The following ARMC3 variants were observed in gnomAD, a reference collection of about 807,000 sequenced individuals.
The protein encoded by ARMC3 is armadillo repeat containing 3, also known as armadillo repeat-containing protein 3.
ARMC3 carries 74 observed loss-of-function variants against 90.3 expected under a neutral mutation model. That is an observed-to-expected ratio of 0.82 (90% CI 0.68 to 0.99). The LOEUF (loss-of-function observed/expected upper bound fraction) is 0.99. ARMC3 is among the 50% of genes least tolerant of loss of function. The pLI is 0.00. For synonymous variants in ARMC3, 334 were observed against 361.8 expected (o/e 0.92, Z 0.87); for missense variants, 958 against 1,042.8 (o/e 0.92, Z 1.12).
intron 10 of ARMC3, among the ~76,000 whole-genome samples, chr10:22,988,527 A>G (rs1836562473): frequency 6.6e-6 from 1 of 152,164 alleles, no homozygotes; most frequent in African/African-American, 2.4e-5. Context: ...ATTTATTGTT[A>G]CCATTTCTTT....
chr10:22,962,797 T>TA (rs999036293), intron 7 of ARMC3, among the ~76,000 whole-genome samples: 1 of 152,142 alleles, frequency 6.6e-6, no homozygotes, highest in Non-Finnish European at 1.5e-5. Context: ...AATTTTTTTC[T>TA]AAAAAAACCA....
intron 11 of ARMC3, among the ~76,000 whole-genome samples, chr10:23,000,598 A>T (rs529460478): frequency 1.5e-4 from 23 of 152,362 alleles, no homozygotes; most frequent in African/African-American, 4.8e-4. Context: ...TAAATGGAGG[A>T]ATTAATGAAT....
At chr10:22,943,618 T>C (rs1467295456) in intron 2 of ARMC3, among the ~76,000 whole-genome samples, 1 of 152,116 alleles carries the variant, frequency 6.6e-6, no homozygotes, top group Non-Finnish European at 1.5e-5. Flanking sequence ...TAAATCATCA[T>C]CACTTCAGGA....
intron 3 of ARMC3, among the ~76,000 whole-genome samples, chr10:22,949,388 T>C (rs966222613): frequency 3.9e-5 from 6 of 152,208 alleles, no homozygotes; most frequent in Admixed American, 1.3e-4. Flanking sequence ...CTGTATTCTA[T>C]ATGTTTAGAA....
At chr10:22,942,510 A>G (rs966076016) in intron 2 of ARMC3, among the ~76,000 whole-genome samples, 3 of 152,192 alleles carry the variant, frequency 2.0e-5, no homozygotes, top group East Asian at 1.9e-4. Flanking sequence ...TCCAGCTACA[A>G]TAACTATGAA....
At chr10:22,982,238 C>T (rs1163322176) in intron 10 of ARMC3, among the ~76,000 whole-genome samples, 10 of 152,064 alleles carry the variant, frequency 6.6e-5, no homozygotes, top group Admixed American at 3.9e-4. Flanking sequence ...AATAGCTGGG[C>T]GTGGTGGCAT....
Position 22,962,083 on chromosome 10 carries a change from T to C in ARMC3, c.732+5T>C, listed in dbSNP as rs781026238. ...ATTAAGATCCTAGAAACTAAGGTATTTAGTTTCATTCATTCCACCCTCTAT... is the reference window on the plus strand; with the variant it reads ...ATTAAGATCCTAGAAACTAAGGTATCTAGTTTCATTCATTCCACCCTCTAT... On this transcript the variant is annotated splice_donor_5th_base_variant and intron_variant, in intron 7 of 18. Coordinates refer to ENST00000298032, the MANE Select transcript of ARMC3 (RefSeq NM_173081.5). The C allele has an allele frequency of 1.3e-6, 2 of 1,532,684 alleles. No individual in the cohort carries two copies. The highest frequency in any genetic ancestry group is 1.8e-6 in the Non-Finnish European group (2 of 1,138,860). The allele number at this position is 1,532,684 out of a possible 1,614,324, so 94.9% of individuals were successfully genotyped here.
At chr10:23,031,001 G>A (rs371373980) in intron 17 of ARMC3, 7 of 515,988 alleles carry the variant, frequency 1.4e-5, no homozygotes, top group East Asian at 9.8e-5. Flanking sequence ...ATAGCAGCTG[G>A]AAATTGCTTC....
intron 16 of ARMC3, among the ~76,000 whole-genome samples, chr10:23,022,375 T>A (rs1269449277): frequency 6.6e-6 from 1 of 152,150 alleles, no homozygotes; most frequent in Non-Finnish European, 1.5e-5. Context: ...CACAGACTAG[T>A]TTTTCTTTGC....
At chr10:22,979,719 T>C (rs1383419910) in intron 8 of ARMC3, among the ~76,000 whole-genome samples, 1 of 152,186 alleles carries the variant, frequency 6.6e-6, no homozygotes, top group Non-Finnish European at 1.5e-5. Context: ...ACCGTGTATA[T>C]TTAAAACATT....
Position 22,998,148 on chromosome 10 carries a change from C to T in ARMC3, c.1176C>T (p.Asn392=), listed in dbSNP as rs146878370. 98 of 1,613,490 alleles carry T rather than the reference C, an allele frequency of 6.1e-5. No homozygotes were observed. The African/African-American group carries it at 1.1e-3, about 18-fold the overall frequency. Residue 392 remains asparagine (N), a splice_region_variant and synonymous_variant, in exon 11 of 19, where the codon AAC becomes AAT. Transcript: ENST00000298032. ...NLTTCNPANA[N]AAAEADGIDP... is the part of the protein sequence containing the mutation. Reference sequence around the variant, plus strand: ...ATTCATTTCTCTTTCATTTACTCAGCGCTGCTGCTGAAGCTGATGGTATTG... The same window carrying T: ...ATTCATTTCTCTTTCATTTACTCAGTGCTGCTGCTGAAGCTGATGGTATTG...
intron 6 of ARMC3, 51 bp downstream of exon 6, chr10:22,959,625 A>T: frequency 6.6e-7 from 1 of 1,512,170 alleles, no homozygotes; most frequent in Non-Finnish European, 8.8e-7. Context: ...TTTAGAATTT[A>T]TTTTCCCATT....
chr10:22,957,414 G>A (rs931352510), intron 4 of ARMC3, among the ~76,000 whole-genome samples: 1 of 152,166 alleles, frequency 6.6e-6, no homozygotes, highest in Admixed American at 6.5e-5. Flanking sequence ...CCTGTGCGAG[G>A]GGTCAGTGGA....
At position 22,972,696 on chromosome 10, in the gene ARMC3, T is replaced by C. The variant is rs141347555; in HGVS notation, c.916+4207T>C. Among the ~76,000 whole-genome samples the C allele has an allele frequency of 7.9e-5, 12 of 152,274 alleles. No individual in the cohort carries two copies. The East Asian group carries it at 2.1e-3, about 27-fold the overall frequency. ...CTTGTTTAGTCTCTCTCCACGCATG[T>C]CCCCAGGCCATCCTGGGATCATTTT... is the stretch of plus-strand genomic sequence containing the variant. On this transcript the variant is annotated intron_variant, in intron 8 of 18. Transcript: ENST00000298032.
At chr10:23,014,362 G>C in intron 16 of ARMC3, 1 of 1,312,928 alleles carries the variant, frequency 7.6e-7, no homozygotes, top group African/African-American at 1.5e-5. Context: ...GGTCCATTGA[G>C]GGGTAGATTA....
At chr10:22,984,497 A>G (rs966300350) in intron 10 of ARMC3, among the ~76,000 whole-genome samples, 3 of 152,160 alleles carry the variant, frequency 2.0e-5, no homozygotes, top group Non-Finnish European at 2.9e-5. Flanking sequence ...CTAAAAATAG[A>G]ATTTTATAAT....
chr10:23,005,602 C>T (rs1322866581), intron 13 of ARMC3, among the ~76,000 whole-genome samples: 1 of 152,132 alleles, frequency 6.6e-6, no homozygotes, highest in African/African-American at 2.4e-5. Context: ...CGGTGGCACA[C>T]GCCTGTAATC....
At chr10:22,992,602 T>G (rs1183630098) in intron 10 of ARMC3, among the ~76,000 whole-genome samples, 1 of 152,216 alleles carries the variant, frequency 6.6e-6, no homozygotes, top group Non-Finnish European at 1.5e-5. Flanking sequence ...AAGAAGAACA[T>G]TCTCTTGGCT....
In ARMC3 at chr10:22,968,471, A is replaced by G; in HGVS notation, c.898A>G (p.Thr300Ala). The G allele has an allele frequency of 6.3e-7, 1 of 1,593,290 alleles. No homozygotes were observed. Among genetic ancestry groups the G allele is most frequent in the East Asian group, 2.2e-5 (1 of 44,746 alleles). ...TCAGAAGAATGCAGCAAAAGCCATT[A>G]CTAAAGCAGCTTATGATCGTATGTC... The part of the protein sequence containing the change: ...DIQKNAAKAI[T>A]KAAYDPENRK... The change falls in exon 8 of 19, where the codon ACT becomes GCT. Residue 300 changes from threonine to alanine, a missense_variant. Thr to Ala is a moderately conservative substitution (Grantham distance 58). Coordinates refer to ENST00000298032, the MANE Select transcript of ARMC3 (RefSeq NM_173081.5).
Sources: allele counts gnomAD v4.1 joint callset (sites outside exome capture counted in the v4.1 genomes callset), GRCh38; gene constraint gnomAD v4.1.1; transcripts MANE v1.5; gene names NCBI Gene and HGNC (gene_info 2026-07-23, HGNC 2026-07-21).